Variants in LRP12 observed in about 807,000 individuals in gnomAD.
LRP12 encodes LDL receptor related protein 12, also known as low-density lipoprotein receptor-related protein 12.
LRP12 carries 14 observed loss-of-function variants against 66.0 expected under a neutral mutation model. That is an observed-to-expected ratio of 0.21 (90% CI 0.14 to 0.33). The LOEUF is 0.33. LRP12 is among the 10% of genes least tolerant of loss of function. The probability of loss-of-function intolerance (pLI) is 1.00; values close to 1 mark genes in which losing one functional copy is unlikely to be tolerated. For synonymous variants in LRP12, 357 were observed against 359.1 expected (o/e 0.99, Z 0.07); for missense variants, 889 against 1,053.4 (o/e 0.84, Z 2.16).
intron 1 of LRP12, among the ~76,000 whole-genome samples, chr8:104,535,971 A>G (rs939595015): frequency 1.6e-4 from 24 of 152,156 alleles, no homozygotes; most frequent in Non-Finnish European, 3.1e-4. Flanking sequence ...GTCAGCTACA[A>G]GAAATGAAAA....
At position 104,490,449 on chromosome 8, in the gene LRP12, T is replaced by C. The variant is rs189195385; in HGVS notation, c.*224A>G. 26 of 493,712 alleles carry C rather than the reference T, an allele frequency of 5.3e-5. No homozygotes were observed. Among genetic ancestry groups the C allele is most frequent in the African/African-American group, 3.5e-4 (18 of 51,016 alleles). 30.6% of individuals were successfully genotyped at this position (493,712 alleles called of 1,614,324 possible). On this transcript the variant is annotated 3_prime_UTR_variant, in exon 7 of 7. Transcript: ENST00000276654. ...ATCAGAAACAAATGAAAGGACATTA[T>C]TGAACAATATGAATATGTGATGCAT... is the stretch of plus-strand genomic sequence containing the variant.
chr8:104,588,466 G>C (rs1038018920), intron 1 of LRP12, among the ~76,000 whole-genome samples: 1 of 152,180 alleles, frequency 6.6e-6, no homozygotes, highest in Non-Finnish European at 1.5e-5. Flanking sequence ...TCACAGTCAA[G>C]CATCTTTGTG....
intron 1 of LRP12, among the ~76,000 whole-genome samples, chr8:104,574,359 A>G (rs1402276716): frequency 6.6e-6 from 1 of 152,234 alleles, no homozygotes; most frequent in Non-Finnish European, 1.5e-5. Flanking sequence ...ATAACTGTGG[A>G]GTCCTGCGAC....
chr8:104,498,690 T>G (rs1184498396), intron 4 of LRP12, among the ~76,000 whole-genome samples: 1 of 152,208 alleles, frequency 6.6e-6, no homozygotes, highest in African/African-American at 2.4e-5. Flanking sequence ...GCAATCAACG[T>G]ATGTGTGTAT....
At chr8:104,546,049 T>C (rs758966111) in intron 1 of LRP12, among the ~76,000 whole-genome samples, 3 of 152,140 alleles carry the variant, frequency 2.0e-5, no homozygotes, top group Non-Finnish European at 4.4e-5. Flanking sequence ...ATTGGACTAA[T>C]AAAGGTAGTT....
At chr8:104,584,900 T>C (rs1812306549) in intron 1 of LRP12, among the ~76,000 whole-genome samples, 1 of 152,240 alleles carries the variant, frequency 6.6e-6, no homozygotes, top group African/African-American at 2.4e-5. Flanking sequence ...ATTTCTTGTC[T>C]ACCCTTAAAC....
intron 1 of LRP12, among the ~76,000 whole-genome samples, chr8:104,586,877 T>C (rs754974119): frequency 5.3e-5 from 8 of 152,066 alleles, no homozygotes; most frequent in African/African-American, 1.7e-4. Flanking sequence ...GCTTGAGACA[T>C]CAACCTTTGG....
At chr8:104,571,588 C>T (rs528598805) in intron 1 of LRP12, among the ~76,000 whole-genome samples, 1 of 152,284 alleles carries the variant, frequency 6.6e-6, no homozygotes, top group South Asian at 2.1e-4. Context: ...TTCCCTTTCA[C>T]CTTCCACCAT....
At chr8:104,574,068 G>A (rs992864087) in intron 1 of LRP12, among the ~76,000 whole-genome samples, 1 of 151,990 alleles carries the variant, frequency 6.6e-6, no homozygotes, top group Non-Finnish European at 1.5e-5. Flanking sequence ...AACAAGTATT[G>A]TCTGGCATTA....
intron 1 of LRP12, among the ~76,000 whole-genome samples, chr8:104,582,968 C>T (rs751704216): frequency 9.9e-5 from 15 of 152,132 alleles, no homozygotes; most frequent in Non-Finnish European, 2.1e-4. Flanking sequence ...TACACTTGCA[C>T]CAATATTTTC....
intron 1 of LRP12, among the ~76,000 whole-genome samples, chr8:104,580,622 G>C (rs568362938): frequency 1.3e-5 from 2 of 151,940 alleles, no homozygotes; most frequent in African/African-American, 4.8e-5. Context: ...TGAAAACTGG[G>C]TAAAGGACAT....
chr8:104,571,066 A>C (rs1812073265), intron 1 of LRP12, among the ~76,000 whole-genome samples: 1 of 152,244 alleles, frequency 6.6e-6, no homozygotes, highest in African/African-American at 2.4e-5. Flanking sequence ...AACAATACCA[A>C]GTACTGACAA....
At chr8:104,549,921 C>T (rs1204246355) in intron 1 of LRP12, among the ~76,000 whole-genome samples, 2 of 152,158 alleles carry the variant, frequency 1.3e-5, no homozygotes, top group East Asian at 3.9e-4. Context: ...TAAATCGCCT[C>T]TCTTTCCAAC....
At chr8:104,526,093 AGAATAAAATACTTAG>A (rs1336487389) in intron 2 of LRP12, among the ~76,000 whole-genome samples, 1 of 152,208 alleles carries the variant, frequency 6.6e-6, no homozygotes, top group African/African-American at 2.4e-5. Flanking sequence ...TGCTTCAAAG[AGAATAAAATACTTAG>A]GAATCCAACT....
chr8:104,495,025 G>GC (rs1564128369), intron 6 of LRP12, 52 bp downstream of exon 6: 1 of 1,550,160 alleles, frequency 6.5e-7, no homozygotes, highest in Non-Finnish European at 8.8e-7. Flanking sequence ...ATATACAGGC[G>GC]CAGATTTCAT....
chr8:104,502,410 C>T (rs1442232895), intron 3 of LRP12, among the ~76,000 whole-genome samples: 1 of 152,134 alleles, frequency 6.6e-6, no homozygotes, highest in Non-Finnish European at 1.5e-5. Context: ...CATGGGTCAG[C>T]TAAGGATTCG....
At chr8:104,548,176 A>G (rs867537132) in intron 1 of LRP12, among the ~76,000 whole-genome samples, 2 of 99,522 alleles carry the variant, frequency 2.0e-5, no homozygotes, top group African/African-American at 9.4e-5. Flanking sequence ...TATATAATAT[A>G]ATATATAATA....
At chr8:104,556,887 C>T (rs967990316) in intron 1 of LRP12, among the ~76,000 whole-genome samples, 5 of 152,086 alleles carry the variant, frequency 3.3e-5, no homozygotes, top group African/African-American at 1.2e-4. Context: ...TAACCAAATC[C>T]AATAGCATAT....
chr8:104,588,972 G>GCCGCCGCCA lies in LRP12; in HGVS notation c.-76_-75insTGGCGGCGG. 5 of 580,840 alleles carry GCCGCCGCCA rather than the reference G, an allele frequency of 8.6e-6. No homozygotes were observed. The highest frequency in any genetic ancestry group is 1.1e-5 in the Non-Finnish European group (4 of 372,890). The allele number at this position is 580,840 out of a possible 1,614,324, so 36.0% of individuals were successfully genotyped here. A position where few individuals can be genotyped will look rare whatever the true frequency, so the allele number is the denominator to read the frequency against. Reference sequence around the variant, plus strand: ...GAAGCTGGAGGTAGACGACGCCGACGCCGCCGCCGCCGCCGCCGCCGCCGC... The same window carrying GCCGCCGCCA: ...GAAGCTGGAGGTAGACGACGCCGACGCCGCCGCCACCGCCGCCGCCGCCGCCGCCGCCGC... On this transcript the variant is annotated 5_prime_UTR_variant, in exon 1 of 7. Coordinates refer to ENST00000276654, the MANE Select transcript of LRP12 (RefSeq NM_013437.5).
Sources: gnomAD v4.1 joint callset for allele counts (sites outside exome capture counted in the v4.1 genomes callset) on GRCh38, gnomAD v4.1.1 for gene constraint, MANE v1.5 for transcripts, NCBI Gene and HGNC (gene_info 2026-07-23, HGNC 2026-07-21) for gene names.